The following KLHL29 variants were observed in gnomAD, a reference collection of about 807,000 sequenced individuals.
KLHL29 encodes kelch-like protein 29.
Under a neutral mutation model 80.4 loss-of-function variants are expected in KLHL29, and 21 were observed. The ratio of observed to expected loss-of-function variants is 0.26; its 90% CI spans 0.19 to 0.38. The LOEUF (loss-of-function observed/expected upper bound fraction) is 0.38. KLHL29 is among the 10% of genes least tolerant of loss of function. The pLI is 1.00. For missense variants in KLHL29, 867 were observed against 1,223.9 expected (o/e 0.71, Z 4.35); for synonymous variants, 511 against 526.8 (o/e 0.97, Z 0.41).
intron 4 of KLHL29, among the ~76,000 whole-genome samples, chr2:23,641,755 G>A (rs1669776708): frequency 6.6e-6 from 1 of 152,102 alleles, no homozygotes; most frequent in Non-Finnish European, 1.5e-5. Context: ...AAGCTGAGGC[G>A]GGCAGATCAC....
At chr2:23,479,773 A>T (rs895314874) in intron 2 of KLHL29, among the ~76,000 whole-genome samples, 2 of 152,148 alleles carry the variant, frequency 1.3e-5, no homozygotes, top group African/African-American at 4.8e-5. Context: ...TTAGCCATGC[A>T]TCTCCTTCTC....
At chr2:23,415,709 T>A (rs1254000990) in intron 1 of KLHL29, among the ~76,000 whole-genome samples, 2 of 152,052 alleles carry the variant, frequency 1.3e-5, no homozygotes, top group African/African-American at 4.8e-5. Context: ...CTTTTTATTT[T>A]TTTTTTTGAC....
chr2:23,629,427 T>G (rs1246101926), intron 3 of KLHL29, among the ~76,000 whole-genome samples: 2 of 151,900 alleles, frequency 1.3e-5, no homozygotes, highest in Admixed American at 6.6e-5. Context: ...ATTTTGTGGG[T>G]TTTGTAATGG....
At position 23,413,257 on chromosome 2, in the gene KLHL29, G is replaced by A. The variant is rs555550078; in HGVS notation, c.-154+27477G>A. Among the ~76,000 whole-genome samples, 6 of 152,288 alleles carry A rather than the reference G, an allele frequency of 3.9e-5. 1 individual carries two copies. In the South Asian group the frequency reaches 1.0e-3, roughly 26 times the overall value. The stretch of plus-strand genomic sequence containing the variant: ...CTGAAGATAATTCTTCAGCGGAGTC[G>A]TGCTGGCACTGAGTTAGCCAGATGA... On this transcript the variant is annotated intron_variant, in intron 1 of 13. Transcript: ENST00000486442.
intron 1 of KLHL29, among the ~76,000 whole-genome samples, chr2:23,430,273 T>A (rs1663131333): frequency 6.6e-6 from 1 of 152,220 alleles, no homozygotes. Context: ...GTTGCTGGTA[T>A]GGAAACCATA....
chr2:23,697,594 G>A (rs1357169152), intron 11 of KLHL29: 2 of 152,206 alleles, frequency 1.3e-5, no homozygotes, highest in Admixed American at 6.5e-5. Context: ...TTGGACACTT[G>A]ACAAATGTTA....
rs144896234 is a variant in KLHL29 at position 23,681,144 on chromosome 2, G to A, written c.941-3255G>A. Among the ~76,000 whole-genome samples, 1,755 of 152,324 alleles carry A rather than the reference G, an allele frequency of 0.012. 18 individuals are homozygous for A. The highest frequency in any genetic ancestry group is 0.031 in the Middle Eastern group (9 of 294). On this transcript the variant is annotated intron_variant, in intron 5 of 13. Coordinates refer to ENST00000486442, the MANE Select transcript of KLHL29 (RefSeq NM_052920.2). The surrounding 1 kb of genome is among the most constrained non-coding windows in gnomAD (Gnocchi z 4.2). ...GCCTGAGAGCCTAAGCTCCTGCTTCGCCGGCCGGGCAGGCAGTGGGCAGCA... is the reference window on the plus strand; with the variant it reads ...GCCTGAGAGCCTAAGCTCCTGCTTCACCGGCCGGGCAGGCAGTGGGCAGCA...
chr2:23,422,580 T>C (rs558540264), intron 1 of KLHL29, among the ~76,000 whole-genome samples: 15 of 151,870 alleles, frequency 9.9e-5, no homozygotes, highest in African/African-American at 3.6e-4. Context: ...TGTCCCTGTC[T>C]GTGTGTCTGT....
chr2:23,388,044 T>C (rs1418637966), intron 1 of KLHL29, among the ~76,000 whole-genome samples: 1 of 152,236 alleles, frequency 6.6e-6, no homozygotes, highest in Non-Finnish European at 1.5e-5. Context: ...CCTAGAGTTT[T>C]ACTGAAATAA....
intron 2 of KLHL29, among the ~76,000 whole-genome samples, chr2:23,514,001 T>C (rs572286310): frequency 6.6e-6 from 1 of 152,250 alleles, no homozygotes; most frequent in Non-Finnish European, 1.5e-5. Flanking sequence ...ATGCTGAACC[T>C]GCTTCAAACG....
At chr2:23,414,944 A>G (rs149569117) in intron 1 of KLHL29, among the ~76,000 whole-genome samples, 1 of 152,254 alleles carries the variant, frequency 6.6e-6, no homozygotes, top group Non-Finnish European at 1.5e-5. Flanking sequence ...TTAAAAGGAT[A>G]TTAGTCAGCC....
rs33977339 is a variant in KLHL29 at position 23,703,220 on chromosome 2, GC to G, written c.2144del (p.Pro715LeufsTer24). The G allele has an allele frequency of 6.8e-7, 1 of 1,474,092 alleles. No individual in the cohort carries two copies. The highest frequency in any genetic ancestry group is 2.6e-5 in the Admixed American group (1 of 38,228). 91.3% of individuals were successfully genotyped at this position (1,474,092 alleles called of 1,614,324 possible). On this transcript the variant is annotated frameshift_variant, in exon 12 of 14. Transcript: ENST00000486442. LOFTEE classifies it high-confidence loss of function. ...CATCACCAACCAATGGGAGGCGGTG[GC>G]CCCTCTGCCCAAGGCAGTACACTCT... is the stretch of plus-strand genomic sequence containing the variant. ...DTITNQWEAVAPLPKAVHSAA... is the reference protein window; with the variant it reads ...DTITNQWEAVXPLPKAVHSAA...
At chr2:23,467,089 CCTT>C (rs1249315456) in intron 1 of KLHL29, among the ~76,000 whole-genome samples, 1 of 152,212 alleles carries the variant, frequency 6.6e-6, no homozygotes, top group African/African-American at 2.4e-5. Context: ...CTGTCACTCA[CCTT>C]CTCCTGCCTT....
chr2:23,430,245 C>A (rs1663130889), intron 1 of KLHL29, among the ~76,000 whole-genome samples: 1 of 152,164 alleles, frequency 6.6e-6, no homozygotes, highest in African/African-American at 2.4e-5. Flanking sequence ...TTCCAGCAAG[C>A]CCCCAAGCAA....
At chr2:23,440,524 C>T (rs1015056246) in intron 1 of KLHL29, among the ~76,000 whole-genome samples, 1 of 152,010 alleles carries the variant, frequency 6.6e-6, no homozygotes. Context: ...AAGAAACTAC[C>T]ATCAGAGTGA....
At chr2:23,617,267 C>T (rs1385474344) in intron 3 of KLHL29, 6 of 152,346 alleles carry the variant, frequency 3.9e-5, no homozygotes, top group African/African-American at 1.4e-4. Context: ...TGCTTCACAC[C>T]CACTCACGCC....
chr2:23,599,750 G>A (rs962015997), intron 3 of KLHL29, among the ~76,000 whole-genome samples: 1 of 152,188 alleles, frequency 6.6e-6, no homozygotes, highest in Non-Finnish European at 1.5e-5. Context: ...CGTGGATAGG[G>A]AGTGTGTGCA....
chr2:23,455,605 ATTTTTTT>A (rs397873479), intron 1 of KLHL29, among the ~76,000 whole-genome samples: 2 of 105,994 alleles, frequency 1.9e-5, no homozygotes, highest in South Asian at 3.4e-4. Context: ...TGGTCTCCTG[ATTTTTTT>A]TTTTTTTTTT....
intron 2 of KLHL29, among the ~76,000 whole-genome samples, chr2:23,561,467 A>G (rs914288353): frequency 2.0e-5 from 3 of 152,192 alleles, no homozygotes; most frequent in African/African-American, 7.2e-5. Context: ...CCCGAGATCA[A>G]ATCATAGGGC....
Sources: gnomAD v4.1 joint callset for allele counts (sites outside exome capture counted in the v4.1 genomes callset) on GRCh38, gnomAD v4.1.1 for gene constraint, Gnocchi (gnomAD v3.1) non-coding constraint, MANE v1.5 for transcripts, NCBI Gene and HGNC (gene_info 2026-07-23, HGNC 2026-07-21) for gene names.